Variants in TEF observed in about 807,000 individuals in gnomAD.
TEF encodes the protein thyrotroph embryonic factor.
In TEF, 3 loss-of-function variants were observed where a neutral mutation model predicts 20.8. That is an observed-to-expected ratio of 0.14 (90% CI 0.07 to 0.37). TEF has a LOEUF of 0.37. TEF is among the 10% of genes least tolerant of loss of function. The probability of loss-of-function intolerance (pLI) is 1.00; values close to 1 mark genes in which losing one functional copy is unlikely to be tolerated. For synonymous variants in TEF, 180 were observed against 171.1 expected, an observed-to-expected ratio of 1.05 and a Z score of -0.41; for missense variants, 296 against 397.9, an observed-to-expected ratio of 0.74 and a Z score of 2.18.
upstream of TEF, among the ~76,000 whole-genome samples, chr22:41,378,527 T>C (rs528619846): frequency 1.3e-5 from 2 of 152,186 alleles, no homozygotes; most frequent in Admixed American, 6.5e-5. Context: ...TTGTATTTTT[T>C]AGTAGAGACA....
rs2037254196 is a variant in TEF, at chr22:41,398,257, GGTGCCTGC to G, written c.*2298_*2305del. 1 of 153,694 alleles carries G rather than the reference GGTGCCTGC, an allele frequency of 6.5e-6. No individual in the cohort carries two copies. Among genetic ancestry groups the G allele is most frequent in the African/African-American group, 2.4e-5 (1 of 41,430 alleles). The allele number at this position is 153,694 out of a possible 1,614,324, so 9.5% of individuals were successfully genotyped here. Reference sequence around the variant, plus strand: ...AAATCCATGCTTGCAGGAGAGGGTTGGTGCCTGCTCAGTTTCTGTCGAGGGAATGGGAG... The same window carrying G: ...AAATCCATGCTTGCAGGAGAGGGTTGTCAGTTTCTGTCGAGGGAATGGGAG... On this transcript the variant is annotated 3_prime_UTR_variant, in exon 4 of 4. Transcript: ENST00000266304.
upstream of TEF, chr22:41,381,906 C>A (rs141806965): frequency 7.3e-6 from 9 of 1,226,026 alleles, no homozygotes; most frequent in African/African-American, 1.6e-5. Context: ...GGCGGGGTAG[C>A]GATGGAAGGA....
chr22:41,376,131 C>G (rs1195247313), intron 1 of TEF, among the ~76,000 whole-genome samples: 1 of 152,198 alleles, frequency 6.6e-6, no homozygotes, highest in Non-Finnish European at 1.5e-5. Context: ...GTTTTAGCTC[C>G]TCTAAACTTC....
At chr22:41,381,289 C>A (rs1265795160), upstream of TEF, among the ~76,000 whole-genome samples, 6 of 152,198 alleles carry the variant, frequency 3.9e-5, no homozygotes, top group African/African-American at 4.8e-5. Flanking sequence ...AACAAAAAGA[C>A]CCGTCCCTCC....
At chr22:41,379,936 T>G (rs73416880), upstream of TEF, among the ~76,000 whole-genome samples, 12,401 of 133,162 alleles carry the variant, frequency 0.093, 928 homozygotes, top group African/African-American at 0.25. Context: ...GAAAAGAAAA[T>G]AAAAAGAAAA....
intron 1 of TEF, among the ~76,000 whole-genome samples, chr22:41,373,078 C>T (rs1436093736): frequency 1.3e-5 from 2 of 152,162 alleles, no homozygotes; most frequent in Non-Finnish European, 2.9e-5. Context: ...TGTAAGGACC[C>T]TCACACTCAC....
upstream of TEF, among the ~76,000 whole-genome samples, chr22:41,380,271 G>A (rs1201084474): frequency 6.6e-6 from 1 of 152,222 alleles, no homozygotes. Flanking sequence ...TCGTGCCTCA[G>A]CTTCCCCAGT....
At chr22:41,393,831 A>G (rs2037195629) in intron 2 of TEF, among the ~76,000 whole-genome samples, 1 of 152,078 alleles carries the variant, frequency 6.6e-6, no homozygotes, top group Non-Finnish European at 1.5e-5. Flanking sequence ...GGGGGTGGAA[A>G]CAATTGGAAA....
rs751201320 is a variant in TEF, at chr22:41,387,703, C to G, written c.475+35C>G. On this transcript the variant is annotated intron_variant, in intron 2 of 3. Coordinates refer to ENST00000266304, the MANE Select transcript of TEF (RefSeq NM_003216.4). ...AGGCCATCGAGGAGGGCCACCTGTC[C>G]CATCCAGGGAAGTCCATTTCCCACT... is the stretch of plus-strand genomic sequence containing the variant. The G allele has an allele frequency of 1.7e-5, 27 of 1,569,644 alleles. No homozygotes were observed. In the South Asian group the frequency reaches 2.4e-4, roughly 14 times the overall value.
chr22:41,387,784 G>C (rs2037115860), intron 2 of TEF, 116 bp downstream of exon 2: 2 of 1,093,782 alleles, frequency 1.8e-6, no homozygotes, highest in South Asian at 3.1e-5. Context: ...GGAGGTCCTG[G>C]TGGGGCTGCA....
At position 41,382,213 on chromosome 22, in the gene TEF, G is replaced by T; in HGVS notation, c.157+12G>T. 8.1e-7 allele frequency: 1 copy of T among 1,230,440 alleles called. No individual in the cohort carries two copies. The highest frequency in any genetic ancestry group is 4.1e-5 in the South Asian group (1 of 24,398). The allele number at this position is 1,230,440 out of a possible 1,614,324, so 76.2% of individuals were successfully genotyped here. A position where few individuals can be genotyped will look rare whatever the true frequency, so the allele number is the denominator to read the frequency against. ...CGAGGCGCGCCTCGGTGAGGGCGGG[G>T]GGGTGGTCCGCGCGGGCTGGGGGCG... On this transcript the variant is annotated intron_variant, in intron 1 of 3. Transcript: ENST00000266304.
chr22:41,367,551 C>T (rs772811184), exon 1 of TEF: 1 of 1,551,352 alleles, frequency 6.4e-7, no homozygotes, highest in South Asian at 1.2e-5. Context: ...GCCTGAGGTC[C>T]TCAAGTCCCT....
chr22:41,396,085 C>A lies in TEF; in HGVS notation c.*125C>A. The A allele has an allele frequency of 9.5e-7, 1 of 1,048,930 alleles. No homozygotes were observed. The highest frequency in any genetic ancestry group is 1.4e-6 in the Non-Finnish European group (1 of 731,324). 65.0% of individuals were successfully genotyped at this position (1,048,930 alleles called of 1,614,324 possible). ...TGGGCGCATGGCGGCGCACCTGCTG[C>A]AGGAGCGGCCACGTCTCAGCTTCAT... On this transcript the variant is annotated 3_prime_UTR_variant, in exon 4 of 4. Transcript: ENST00000266304.
chr22:41,384,782 C>T (rs1213499827), intron 1 of TEF, among the ~76,000 whole-genome samples: 1 of 152,020 alleles, frequency 6.6e-6, no homozygotes, highest in Non-Finnish European at 1.5e-5. Flanking sequence ...GACAGACTTT[C>T]GCCCTCGTTG....
At chr22:41,395,672 G>T in intron 3 of TEF, 73 bp from the exon 4 acceptor site, 1 of 1,473,416 alleles carries the variant, frequency 6.8e-7, no homozygotes. Context: ...GGGGAATCCA[G>T]GTGGTGGGAG....
chr22:41,387,591 C>T lies in TEF; in HGVS notation c.398C>T (p.Ser133Phe), dbSNP rs2037113479. The T allele has an allele frequency of 6.2e-7, 1 of 1,614,240 alleles. No homozygotes were observed. The change falls in exon 2 of 4, where the codon TCT becomes TTT. Residue 133 changes from serine (S) to phenylalanine (F), a missense_variant. Around this residue, in one of 2 missense-constraint regions of TEF, gnomAD observed 194 missense variants for 317.8 expected, o/e 0.61. Coordinates refer to ENST00000266304, the MANE Select transcript of TEF (RefSeq NM_003216.4). ...GTAGCAGAGCTAGAAGGGAAGGAGT[C>T]TGCCAGCTCTTCCACAGCATCCCCA... Reference protein sequence around the residue: ...LPVAELEGKESASSSTASPPS... With the variant: ...LPVAELEGKEFASSSTASPPS...
rs182877246 is a variant in TEF, at chr22:41,370,373, G to A, written c.67+2774G>A. Among the ~76,000 whole-genome samples, 165 of 146,560 alleles carry A rather than the reference G, an allele frequency of 1.1e-3. 1 individual carries two copies. Among genetic ancestry groups the A allele is most frequent in the Middle Eastern group, 3.9e-3 (1 of 256 alleles). ...CATGATCCGCCCGCCTCAGCCTCCC[G>A]AAGTGCTGGGATTACAGGTGTAAAC... On this transcript the variant is annotated intron_variant, in intron 1 of 3. Transcript: ENST00000406644.
chr22:41,370,058 C>G (rs764072112), intron 1 of TEF: 1 of 984,848 alleles, frequency 1.0e-6, no homozygotes, highest in Admixed American at 6.2e-5. Context: ...CAGGTGTGCT[C>G]TCCCCATGCT....
chr22:41,368,665 A>G (rs1175720392), intron 1 of TEF, among the ~76,000 whole-genome samples: 1 of 152,180 alleles, frequency 6.6e-6, no homozygotes, highest in African/African-American at 2.4e-5. Flanking sequence ...CGAACGGGGA[A>G]GGACGTACTG....
Sources: allele counts gnomAD v4.1 joint callset (sites outside exome capture counted in the v4.1 genomes callset), GRCh38; gene constraint gnomAD v4.1.1; regional missense constraint gnomAD v4.1.1; transcripts MANE v1.5; gene names NCBI Gene and HGNC (gene_info 2026-07-23, HGNC 2026-07-21).